SLC4A1: variants seen among roughly 807,000 people sequenced by gnomAD.
SLC4A1 encodes solute carrier family 4 member 1 (Diego blood group).
In SLC4A1, 29 loss-of-function variants were observed where a neutral mutation model predicts 93.1. The ratio of observed to expected loss-of-function variants is 0.31; its 90% CI spans 0.23 to 0.42. SLC4A1 has a LOEUF of 0.42. Among genes scored for constraint, SLC4A1 ranks in the 20% least tolerant of loss-of-function variants. SLC4A1 has a pLI of 1.00. For synonymous variants in SLC4A1, 469 were observed against 497.2 expected (o/e 0.94, Z 0.76); for missense variants, 965 against 1,190.1 (o/e 0.81, Z 2.78).
chr17:44,255,609 G>GC, intron 14 of SLC4A1, 64 bp downstream of exon 14: 1 of 1,521,928 alleles, frequency 6.6e-7, no homozygotes, highest in Non-Finnish European at 9.1e-7. Flanking sequence ...GGAATTTGGA[G>GC]CGGGGGGGCT....
At chr17:44,259,055 G>T in intron 9 of SLC4A1, 108 bp downstream of exon 9, 1 of 1,174,486 alleles carries the variant, frequency 8.5e-7, no homozygotes, top group Non-Finnish European at 1.2e-6. Flanking sequence ...AGGCTGAATG[G>T]GTCAAACCAG....
chr17:44,264,586 A>C (rs2047479646), intron 1 of SLC4A1, among the ~76,000 whole-genome samples: 1 of 152,242 alleles, frequency 6.6e-6, no homozygotes, highest in Non-Finnish European at 1.5e-5. Flanking sequence ...ATCCCCACGA[A>C]ATTCACTACT....
At chr17:44,266,873 G>C (rs2047500314) in intron 1 of SLC4A1, among the ~76,000 whole-genome samples, 1 of 152,156 alleles carries the variant, frequency 6.6e-6, no homozygotes, top group South Asian at 2.1e-4. Context: ...CGGCGGGAGA[G>C]GGGATTGACC....
chr17:44,264,371 T>C lies in SLC4A1; in HGVS notation c.-68-1437A>G, dbSNP rs1257569173. ...TACTTGAGAGGCTGAGGTGGGAGGA[T>C]TGCCTAAGCCTGGGAGGCAGAGGTT... is the stretch of plus-strand genomic sequence containing the variant. On this transcript the variant is annotated intron_variant, in intron 1 of 19. Coordinates refer to ENST00000262418, the MANE Select transcript of SLC4A1 (RefSeq NM_000342.4). Among the ~76,000 whole-genome samples, 5 of 152,262 alleles carry C rather than the reference T, an allele frequency of 3.3e-5. No homozygotes were observed. The East Asian group carries it at 9.7e-4, about 29-fold the overall frequency.
At chr17:44,253,067 C>A in intron 17 of SLC4A1, 51 bp downstream of exon 17, 1 of 1,587,904 alleles carries the variant, frequency 6.3e-7, no homozygotes, top group Non-Finnish European at 8.5e-7. Flanking sequence ...GGGAAGGGGC[C>A]GGGGGTGAGG....
At chr17:44,261,889 C>T in intron 3 of SLC4A1, 1 of 1,034,764 alleles carries the variant, frequency 9.7e-7, no homozygotes, top group Non-Finnish European at 1.3e-6. Context: ...CCAGGGAGGC[C>T]TAGCCCCTCC....
At position 44,258,503 on chromosome 17, in the gene SLC4A1, G is replaced by T; in HGVS notation, c.997C>A (p.Leu333Ile). 6.2e-7 allele frequency: 1 copy of T among 1,614,076 alleles called. No individual in the cohort carries two copies. Among genetic ancestry groups the T allele is most frequent in the South Asian group, 1.1e-5 (1 of 91,084 alleles). ...TCCCTCTGCACAGGCACCAGACTGA[G>T]CAGTGCCTGCTCGGAGGGGGCATCG... ...PTDAPSEQALLSLVPVQRELL... is the reference protein window; with the variant it reads ...PTDAPSEQALISLVPVQRELL... The change falls in exon 10 of 20, where the codon CTC becomes ATC. Residue 333 changes from leucine (L) to isoleucine (I), a missense_variant. Transcript: ENST00000262418. This position sits in a 1 kb window ranked among gnomAD's most constrained non-coding sequence, Gnocchi z 6.1.
intron 13 of SLC4A1, 87 bp downstream of exon 13, chr17:44,257,263 A>G: frequency 7.4e-7 from 1 of 1,353,566 alleles, no homozygotes. Flanking sequence ...AAGTTCTGAG[A>G]TTACAGGCCT....
intron 16 of SLC4A1, among the ~76,000 whole-genome samples, chr17:44,253,844 G>C (rs2047364675): frequency 6.7e-6 from 1 of 150,192 alleles, no homozygotes; most frequent in South Asian, 2.1e-4. Context: ...GTTAATTTTT[G>C]TATTTTTAGT....
intron 6 of SLC4A1, 114 bp downstream of exon 6, chr17:44,260,290 G>T (rs2047431094): frequency 6.0e-6 from 8 of 1,326,164 alleles, no homozygotes; most frequent in Non-Finnish European, 7.4e-6. Flanking sequence ...AGGAAAGTGG[G>T]CCCCTGCCTG....
At chr17:44,259,719 T>C (rs994387545) in intron 7 of SLC4A1, 90 bp downstream of exon 7, 28 of 1,591,406 alleles carry the variant, frequency 1.8e-5, no homozygotes, top group African/African-American at 1.3e-4. Flanking sequence ...CCCCTGCTTG[T>C]GGTCGGTTTT....
chr17:44,251,546 AG>A lies in SLC4A1; in HGVS notation c.2353del (p.Leu785TrpfsTer44). On this transcript the variant is annotated frameshift_variant, in exon 18 of 20. Coordinates refer to ENST00000262418, the MANE Select transcript of SLC4A1 (RefSeq NM_000342.4). LOFTEE classifies it high-confidence loss of function. ...GAGGAAGATGCCAAACAGTACAGCC[AG>A]GGGGATGCGGGACAGGATGGGCTCC... ...LMEPILSRIPLAVLFGIFLYM... is the reference protein window; with the variant it reads ...LMEPILSRIPXAVLFGIFLYM... 1 of 1,614,104 alleles carries A rather than the reference AG, an allele frequency of 6.2e-7. No individual in the cohort carries two copies. Among genetic ancestry groups the A allele is most frequent in the Non-Finnish European group, 8.5e-7 (1 of 1,180,020 alleles).
chr17:44,250,938 C>G (rs146009408), intron 19 of SLC4A1, among the ~76,000 whole-genome samples: 1 of 152,220 alleles, frequency 6.6e-6, no homozygotes, highest in Admixed American at 6.5e-5. Context: ...ACGCTCTCCC[C>G]AGTCGTGCCA....
chr17:44,261,712 A>G, intron 3 of SLC4A1, 76 bp from the exon 4 acceptor site: 5 of 1,612,620 alleles, frequency 3.1e-6, no homozygotes, highest in Non-Finnish European at 4.2e-6. Context: ...TGTGAGCCTC[A>G]GAGACCCAGG....
intron 4 of SLC4A1, 135 bp from the exon 5 acceptor site, chr17:44,260,950 C>T: frequency 1.0e-6 from 1 of 981,518 alleles, no homozygotes; most frequent in Non-Finnish European, 1.6e-6. Flanking sequence ...ACGGCTCACA[C>T]CACTCCCTTA....
chr17:44,258,373 G>A lies in SLC4A1; in HGVS notation c.1087+40C>T, dbSNP rs755143869. On this transcript the variant is annotated intron_variant, in intron 10 of 19. Transcript: ENST00000262418. The surrounding 1 kb of genome is among the most constrained non-coding windows in gnomAD (Gnocchi z 6.1). ...GGCTACGCTGAGGTGTCTGGGGGTC[G>A]GTGGGGGCTCAGAAAGCCTCAGCTG... is the stretch of plus-strand genomic sequence containing the variant. 9.4e-6 allele frequency: 15 copies of A among 1,588,090 alleles called. No homozygotes were observed. The East Asian group carries it at 1.3e-4, about 14-fold the overall frequency.
chr17:44,267,338 T>C (rs1239466300), intron 1 of SLC4A1, among the ~76,000 whole-genome samples: 14 of 152,222 alleles, frequency 9.2e-5, no homozygotes, highest in Non-Finnish European at 4.4e-5. Flanking sequence ...GTGATGATAA[T>C]GATGCCCATC....
intron 3 of SLC4A1, 111 bp downstream of exon 3, chr17:44,262,524 GC>G (rs1166673790): frequency 9.2e-6 from 7 of 762,658 alleles, no homozygotes; most frequent in Non-Finnish European, 1.6e-5. Flanking sequence ...GGGGAGAACG[GC>G]CCGTGGTGCT....
In SLC4A1 at chr17:44,260,827, T is replaced by G; in HGVS notation, c.169-12A>C. 1 of 1,609,674 alleles carries G rather than the reference T, an allele frequency of 6.2e-7. No homozygotes were observed. The highest frequency in any genetic ancestry group is 8.5e-7 in the Non-Finnish European group (1 of 1,180,004). On this transcript the variant is annotated splice_polypyrimidine_tract_variant and intron_variant, in intron 4 of 19. Coordinates refer to ENST00000262418, the MANE Select transcript of SLC4A1 (RefSeq NM_000342.4). ...AGCTCCACATAGACCTGTGGCCCCA[T>G]GCGCCTGAGTTAGTTCATCAGGCAT...
Sources: allele counts gnomAD v4.1 joint callset (sites outside exome capture counted in the v4.1 genomes callset), GRCh38; gene constraint gnomAD v4.1.1; non-coding constraint Gnocchi (gnomAD v3.1); transcripts MANE v1.5; gene names NCBI Gene and HGNC (gene_info 2026-07-23, HGNC 2026-07-21).